The following SNX29 variants were observed in gnomAD, a reference collection of about 807,000 sequenced individuals.
The protein encoded by SNX29 is sorting nexin-29.
In SNX29, 78 loss-of-function variants were observed where a neutral mutation model predicts 102.1. That is an observed-to-expected ratio of 0.76 (90% CI 0.64 to 0.92). The LOEUF (loss-of-function observed/expected upper bound fraction) is 0.92. SNX29 is among the 40% of genes least tolerant of loss of function. The pLI is 0.00. For missense variants in SNX29, 1,280 were observed against 1,061.7 expected, an observed-to-expected ratio of 1.21 and a Z score of -2.86; for synonymous variants, 580 against 414.5, an observed-to-expected ratio of 1.40 and a Z score of -4.85.
chr16:12,441,893 A>G (rs919743411), intron 18 of SNX29, among the ~76,000 whole-genome samples: 13 of 152,106 alleles, frequency 8.5e-5, no homozygotes, highest in African/African-American at 2.7e-4. Context: ...GATTCAGGCT[A>G]TTCTCCTGTC....
chr16:12,466,682 A>G (rs1177985488), intron 18 of SNX29, among the ~76,000 whole-genome samples: 1 of 152,190 alleles, frequency 6.6e-6, no homozygotes, highest in African/African-American at 2.4e-5. Context: ...GAACCAAAGC[A>G]TGGATAGTTT....
At chr16:12,411,820 T>C (rs1019305362) in intron 18 of SNX29, among the ~76,000 whole-genome samples, 1 of 152,192 alleles carries the variant, frequency 6.6e-6, no homozygotes, top group African/African-American at 2.4e-5. Flanking sequence ...TGATGACATA[T>C]GAAATGCTTG....
intron 20 of SNX29, among the ~76,000 whole-genome samples, chr16:12,533,738 A>G (rs897603298): frequency 2.0e-5 from 3 of 152,168 alleles, no homozygotes; most frequent in East Asian, 1.9e-4. Context: ...TGGGTGGGTC[A>G]TATAAGTGAA....
chr16:12,009,697 T>A (rs1159488606), intron 3 of SNX29, among the ~76,000 whole-genome samples: 1 of 152,154 alleles, frequency 6.6e-6, no homozygotes, highest in Non-Finnish European at 1.5e-5. Context: ...GTTTTCTAGC[T>A]CTGTTTTTCT....
intron 15 of SNX29, among the ~76,000 whole-genome samples, chr16:12,313,746 A>C (rs1449113608): frequency 6.6e-6 from 1 of 152,228 alleles, no homozygotes; most frequent in East Asian, 1.9e-4. Context: ...TGGAGTCTTA[A>C]TTGCCCCATT....
Position 12,535,025 on chromosome 16 carries a change from G to C in SNX29, c.2318+10184G>C, listed in dbSNP as rs530119438. Among the ~76,000 whole-genome samples, 3 of 152,248 alleles carry C rather than the reference G, an allele frequency of 2.0e-5. No individual in the cohort carries two copies. The East Asian group carries it at 5.8e-4, about 29-fold the overall frequency. On this transcript the variant is annotated intron_variant, in intron 20 of 20. Transcript: ENST00000566228. ...CAGACCTGGCCTGAGAAGCTGGCTC[G>C]TTGGGTCTTATAAAACCAGCTACAA... is the stretch of plus-strand genomic sequence containing the variant.
chr16:12,439,467 A>G (rs8047928), intron 18 of SNX29, among the ~76,000 whole-genome samples: 104,745 of 152,116 alleles, frequency 0.69, 36,621 homozygotes, highest in South Asian at 0.83. Context: ...CACAGTTCCC[A>G]TGACTGGGGA....
At chr16:12,046,782 G>A (rs938294146) in intron 6 of SNX29, among the ~76,000 whole-genome samples, 1 of 152,138 alleles carries the variant, frequency 6.6e-6, no homozygotes, top group African/African-American at 2.4e-5. Context: ...ACCATGACCA[G>A]CTAATTTTTG....
chr16:12,548,982 G>A (rs148875868), intron 20 of SNX29, among the ~76,000 whole-genome samples: 2 of 152,202 alleles, frequency 1.3e-5, no homozygotes, highest in African/African-American at 4.8e-5. Context: ...TGAGGCCCCT[G>A]CTCTCCCGTG....
At chr16:12,291,118 G>A (rs2079779219) in intron 15 of SNX29, among the ~76,000 whole-genome samples, 1 of 152,136 alleles carries the variant, frequency 6.6e-6, no homozygotes, top group African/African-American at 2.4e-5. Flanking sequence ...CGAGGCTCCT[G>A]TTTCTCTCTC....
chr16:12,309,460 T>C (rs957704564), intron 15 of SNX29, among the ~76,000 whole-genome samples: 1 of 152,096 alleles, frequency 6.6e-6, no homozygotes, highest in African/African-American at 2.4e-5. Flanking sequence ...CATCTGTTGC[T>C]CTCTTGGCCC....
chr16:12,459,295 T>C (rs1270661269), intron 18 of SNX29, among the ~76,000 whole-genome samples: 1 of 151,844 alleles, frequency 6.6e-6, no homozygotes, highest in East Asian at 1.9e-4. Flanking sequence ...GAAATGTGGC[T>C]ATGAAACCCC....
intron 10 of SNX29, among the ~76,000 whole-genome samples, chr16:12,075,681 C>T (rs910849573): frequency 6.6e-6 from 1 of 152,246 alleles, no homozygotes; most frequent in African/African-American, 2.4e-5. Context: ...GGGAGAACTA[C>T]TGCTCTCCTC....
At chr16:12,418,463 G>C (rs2084733915) in intron 18 of SNX29, among the ~76,000 whole-genome samples, 1 of 152,038 alleles carries the variant, frequency 6.6e-6, no homozygotes, top group African/African-American at 2.4e-5. Flanking sequence ...TAGGGTTTCT[G>C]GGCATGGTGT....
intron 18 of SNX29, among the ~76,000 whole-genome samples, chr16:12,456,412 A>G (rs731764): frequency 0.26 from 40,305 of 152,106 alleles, 5,343 homozygotes; most frequent in South Asian, 0.35. Context: ...ATAATTGCTC[A>G]TTATACCAAA....
chr16:12,258,805 A>T (rs1206551664), intron 14 of SNX29, among the ~76,000 whole-genome samples: 1 of 152,146 alleles, frequency 6.6e-6, no homozygotes, highest in Non-Finnish European at 1.5e-5. Context: ...CCTCTGTTAA[A>T]GGTGCCCAGT....
intron 11 of SNX29, among the ~76,000 whole-genome samples, chr16:12,114,398 T>C (rs2053612917): frequency 6.6e-6 from 1 of 152,174 alleles, no homozygotes; most frequent in African/African-American, 2.4e-5. Flanking sequence ...CTGTTGAGGC[T>C]CTGTCTCTAA....
At chr16:12,113,636 A>G (rs981798316) in intron 11 of SNX29, among the ~76,000 whole-genome samples, 1 of 152,230 alleles carries the variant, frequency 6.6e-6, no homozygotes, top group Non-Finnish European at 1.5e-5. Context: ...AGTATTTCGC[A>G]TGCAATTAAT....
At chr16:12,125,380 C>T (rs1247002278) in intron 11 of SNX29, among the ~76,000 whole-genome samples, 1 of 152,092 alleles carries the variant, frequency 6.6e-6, no homozygotes, top group African/African-American at 2.4e-5. Flanking sequence ...CAGAGTACTG[C>T]TTTGGCTGCA....
Sources: gnomAD v4.1 joint callset for allele counts (sites outside exome capture counted in the v4.1 genomes callset) on GRCh38, gnomAD v4.1.1 for gene constraint, MANE v1.5 for transcripts, NCBI Gene and HGNC (gene_info 2026-07-23, HGNC 2026-07-21) for gene names.